SNX9: variants seen among roughly 807,000 people sequenced by gnomAD.
SNX9 encodes sorting nexin-9.
SNX9 carries 44 observed loss-of-function variants against 89.4 expected under a neutral mutation model. The observed-to-expected ratio is 0.49, with a 90% CI of 0.39 to 0.63. SNX9 has a LOEUF of 0.63. Ranked by LOEUF, SNX9 falls within the 30% of genes least tolerant of loss-of-function variation. The probability of loss-of-function intolerance (pLI) is 0.00; values close to 1 mark genes in which losing one functional copy is unlikely to be tolerated. For missense variants in SNX9, 578 were observed against 736.1 expected, an observed-to-expected ratio of 0.79 and a Z score of 2.49; for synonymous variants, 236 against 247.8, an observed-to-expected ratio of 0.95 and a Z score of 0.45.
In SNX9 at chr6:157,825,076, T is replaced by G. The variant is rs574744631; in HGVS notation, c.12+1630T>G. 1.5e-4 allele frequency among the ~76,000 whole-genome samples: 23 copies of G among 152,230 alleles called. No individual in the cohort carries two copies. In the South Asian group the frequency reaches 4.2e-3, roughly 27 times the overall value. Reference sequence around the variant, plus strand: ...AAGCCTGGCCAATATGGTGAAACCCTGTCTCTACTAAAAATACAGAAATTA... The same window carrying G: ...AAGCCTGGCCAATATGGTGAAACCCGGTCTCTACTAAAAATACAGAAATTA... On this transcript the variant is annotated intron_variant, in intron 1 of 17. Coordinates refer to ENST00000392185, the MANE Select transcript of SNX9 (RefSeq NM_016224.5).
chr6:157,942,755 A>T (rs754153361), intron 17 of SNX9, 36 bp from the exon 18 acceptor site: 2 of 1,610,012 alleles, frequency 1.2e-6, no homozygotes. Context: ...AATGGGAGTG[A>T]TATCTCAACG....
In SNX9 at chr6:157,873,091, T is replaced by A; in HGVS notation, c.100-11T>A. On this transcript the variant is annotated splice_polypyrimidine_tract_variant and intron_variant, in intron 2 of 17. Coordinates refer to ENST00000392185, the MANE Select transcript of SNX9 (RefSeq NM_016224.5). ...CTTTTTCTTTTTTTTTTTTTTTTGG[T>A]GACTTATTAGGATGTAGGTGGAGGA... 1 of 1,479,618 alleles carries A rather than the reference T, an allele frequency of 6.8e-7. No individual in the cohort carries two copies. Among genetic ancestry groups the A allele is most frequent in the Non-Finnish European group, 9.0e-7 (1 of 1,105,278 alleles). The allele number at this position is 1,479,618 out of a possible 1,614,324, so 91.7% of individuals were successfully genotyped here. A position where few individuals can be genotyped will look rare whatever the true frequency, so the allele number is the denominator to read the frequency against.
At chr6:157,910,276 A>G (rs1330349350) in intron 9 of SNX9, among the ~76,000 whole-genome samples, 2 of 152,282 alleles carry the variant, frequency 1.3e-5, no homozygotes, top group African/African-American at 4.8e-5. Flanking sequence ...GAATTCCAGC[A>G]GTCATTGTCT....
At chr6:157,935,626 C>A (rs892098061) in intron 13 of SNX9, among the ~76,000 whole-genome samples, 4 of 152,188 alleles carry the variant, frequency 2.6e-5, no homozygotes, top group African/African-American at 9.7e-5. Context: ...GCCAGCTCTC[C>A]CTGAGAGGCC....
At chr6:157,937,283 A>G (rs1363564897) in intron 14 of SNX9, 151 bp from the exon 15 acceptor site, 1 of 476,588 alleles carries the variant, frequency 2.1e-6, no homozygotes, top group Non-Finnish European at 3.7e-6. Flanking sequence ...CTTGGGAGTT[A>G]TTTTCTTTTA....
rs1290387572 is a variant in SNX9, at chr6:157,932,257, T to A, written c.1351T>A (p.Ser451Thr). 1.2e-6 allele frequency: 2 copies of A among 1,614,130 alleles called. No homozygotes were observed. The highest frequency in any genetic ancestry group is 3.3e-5 in the Admixed American group (2 of 60,018). ...GCAGAGTTTGGCCACAGTGTTCAGT[T>A]CCAGTGGCTATCAAGGTGCGTCTTT... ...ALQSLATVFS[S>T]SGYQGETDLN... Residue 451 changes from serine (S) to threonine (T), a missense_variant, in exon 13 of 18, where the codon TCC becomes ACC. By Grantham distance (58) the Ser-to-Thr change is moderately conservative (BLOSUM62 1). Around this residue, in one of 2 missense-constraint regions of SNX9, gnomAD observed 348 missense variants for 491.4 expected, o/e 0.71. Coordinates refer to ENST00000392185, the MANE Select transcript of SNX9 (RefSeq NM_016224.5).
intron 9 of SNX9, among the ~76,000 whole-genome samples, chr6:157,914,469 C>CTTTTTTTTTTTTTTTTTTTTT (rs34419515): frequency 6.7e-5 from 5 of 75,130 alleles, no homozygotes; most frequent in African/African-American, 2.8e-4. Flanking sequence ...TTTTCTTTTT[C>CTTTTTTTTTTTTTTTTTTTTT]TTTTTTTTTT....
At chr6:157,844,548 ACTCCTAAATCATAATTTTTAATCTTGTG>A (rs1225393818) in intron 1 of SNX9, among the ~76,000 whole-genome samples, 2 of 147,748 alleles carry the variant, frequency 1.4e-5, no homozygotes, top group East Asian at 4.0e-4. Context: ...CAGCTACATG[ACTCCTAAATCATAATTTTTAATCTTGTG>A]GCTAATCCTT....
chr6:157,878,775 G>C (rs1782568105), intron 4 of SNX9, among the ~76,000 whole-genome samples: 1 of 152,134 alleles, frequency 6.6e-6, no homozygotes, highest in Non-Finnish European at 1.5e-5. Context: ...ATACATTTAA[G>C]TAAACAAGTA....
chr6:157,881,808 G>GAA (rs1782628676), intron 4 of SNX9, among the ~76,000 whole-genome samples: 1 of 152,246 alleles, frequency 6.6e-6, no homozygotes, highest in Non-Finnish European at 1.5e-5. Flanking sequence ...AGCTGCAGAA[G>GAA]AAAAGTTTGA....
chr6:157,943,304 T>G lies in SNX9; in HGVS notation c.*466T>G, dbSNP rs1328745635. On this transcript the variant is annotated 3_prime_UTR_variant, in exon 18 of 18. Transcript: ENST00000392185. ...AAAAAATATCTATGTTTGTATATTTTTATAACTCCTTTCAGTCCTCTGGGG... is the reference window on the plus strand; with the variant it reads ...AAAAAATATCTATGTTTGTATATTTGTATAACTCCTTTCAGTCCTCTGGGG... 6.6e-6 allele frequency: 1 copy of G among 152,574 alleles called. No individual in the cohort carries two copies. Among genetic ancestry groups the G allele is most frequent in the Non-Finnish European group, 1.5e-5 (1 of 68,266 alleles). 9.5% of individuals were successfully genotyped at this position (152,574 alleles called of 1,614,324 possible).
At chr6:157,888,383 A>G (rs1027303393) in intron 4 of SNX9, among the ~76,000 whole-genome samples, 2 of 152,232 alleles carry the variant, frequency 1.3e-5, no homozygotes, top group African/African-American at 4.8e-5. Flanking sequence ...AACAGACTTT[A>G]GAAAATATAA....
chr6:157,928,804 G>A, intron 12 of SNX9, 102 bp downstream of exon 12: 2 of 846,898 alleles, frequency 2.4e-6, no homozygotes, highest in Non-Finnish European at 3.4e-6. Context: ...GAACAGAAGT[G>A]TATTTGGTGG....
chr6:157,834,150 GTTTTTTTTTTTTT>G (rs561509955), intron 1 of SNX9, among the ~76,000 whole-genome samples: 12 of 35,638 alleles, frequency 3.4e-4, no homozygotes, highest in African/African-American at 4.9e-4. Context: ...GTCCACTGTG[GTTTTTTTTTTTTT>G]TTTTTTTTTT....
chr6:157,875,637 C>T (rs1446336121), intron 4 of SNX9, among the ~76,000 whole-genome samples: 2 of 152,186 alleles, frequency 1.3e-5, no homozygotes, highest in Non-Finnish European at 2.9e-5. Context: ...CTGTGAAAGT[C>T]TACCAGATCC....
chr6:157,884,494 A>G (rs1419829565), intron 4 of SNX9, among the ~76,000 whole-genome samples: 1 of 152,226 alleles, frequency 6.6e-6, no homozygotes, highest in Admixed American at 6.5e-5. Context: ...ATTAACTCAC[A>G]TAAGTCTTAT....
intron 10 of SNX9, among the ~76,000 whole-genome samples, chr6:157,921,980 G>A (rs1783593688): frequency 6.6e-6 from 1 of 152,138 alleles, no homozygotes; most frequent in African/African-American, 2.4e-5. Context: ...AAACTCTGAA[G>A]GTATTATCAG....
chr6:157,933,997 T>C lies in SNX9; in HGVS notation c.1366+1725T>C, dbSNP rs192034465. On this transcript the variant is annotated intron_variant, in intron 13 of 17. Coordinates refer to ENST00000392185, the MANE Select transcript of SNX9 (RefSeq NM_016224.5). ...ATTCAAGTTCCTGTTGACTGGCTTTTCTCCCATTACAAAGGACAGTGAAGG... is the reference window on the plus strand; with the variant it reads ...ATTCAAGTTCCTGTTGACTGGCTTTCCTCCCATTACAAAGGACAGTGAAGG... 3.9e-5 allele frequency among the ~76,000 whole-genome samples: 6 copies of C among 152,368 alleles called. No individual in the cohort carries two copies. In the East Asian group the frequency reaches 1.2e-3, roughly 29 times the overall value.
chr6:157,847,857 A>G (rs192961192), intron 1 of SNX9, among the ~76,000 whole-genome samples: 1 of 152,320 alleles, frequency 6.6e-6, no homozygotes, highest in East Asian at 1.9e-4. Flanking sequence ...AAAATAAGGT[A>G]TTAATTTTTA....
Sources: gnomAD v4.1 joint callset for allele counts (sites outside exome capture counted in the v4.1 genomes callset) on GRCh38, gnomAD v4.1.1 for gene constraint, gnomAD v4.1.1 regional missense constraint, MANE v1.5 for transcripts, NCBI Gene and HGNC (gene_info 2026-07-23, HGNC 2026-07-21) for gene names.